The following SHISA9 variants were observed in gnomAD, a reference collection of about 807,000 sequenced individuals.
SHISA9 encodes protein shisa-9.
In SHISA9, 13 loss-of-function variants were observed where a neutral mutation model predicts 38.0. The observed-to-expected ratio is 0.34, with a 90% CI of 0.22 to 0.54. The LOEUF (loss-of-function observed/expected upper bound fraction) is 0.54, where lower values mean the gene tolerates loss of function less well. Ranked by LOEUF, SHISA9 falls within the 20% of genes least tolerant of loss-of-function variation. The pLI, the probability that SHISA9 is intolerant of heterozygous loss-of-function variation, is 0.91. For missense variants in SHISA9, 538 were observed against 575.8 expected, an observed-to-expected ratio of 0.93 and a Z score of 0.67; for synonymous variants, 275 against 242.0, an observed-to-expected ratio of 1.14 and a Z score of -1.27.
the SHISA9 span, among the ~76,000 whole-genome samples, chr16:13,528,423 AT>A: frequency 9.2e-5 from 14 of 152,104 alleles, no homozygotes; most frequent in East Asian, 1.9e-4. Context: ...AAAAAAAAAA[AT>A]AAGAAAAAAA....
intron 2 of SHISA9, among the ~76,000 whole-genome samples, chr16:13,070,495 A>C (rs1012109773): frequency 6.6e-6 from 1 of 152,208 alleles, no homozygotes; most frequent in Non-Finnish European, 1.5e-5. Flanking sequence ...TCTCCGGGAT[A>C]CAAAGAAACC....
At chr16:12,966,575 C>G (rs1659171048) in intron 2 of SHISA9, among the ~76,000 whole-genome samples, 1 of 152,118 alleles carries the variant, frequency 6.6e-6, no homozygotes, top group African/African-American at 2.4e-5. Context: ...ATCTTTATAA[C>G]AATTCCACAA....
chr16:13,347,844 C>T, the SHISA9 span, among the ~76,000 whole-genome samples: 2 of 70,734 alleles, frequency 2.8e-5, no homozygotes, highest in South Asian at 1.0e-3. Flanking sequence ...AACGTACCCC[C>T]CCACAAAGAT....
At chr16:13,505,360 A>C in the SHISA9 span, among the ~76,000 whole-genome samples, 1 of 151,966 alleles carries the variant, frequency 6.6e-6, no homozygotes, top group African/African-American at 2.4e-5. Flanking sequence ...CTTATTGATC[A>C]CCTCTATGGA....
intron 2 of SHISA9, among the ~76,000 whole-genome samples, chr16:13,190,592 T>TGA (rs2050875320): frequency 6.6e-6 from 1 of 152,144 alleles, no homozygotes; most frequent in Non-Finnish European, 1.5e-5. Flanking sequence ...GAACCTCTGT[T>TGA]TTGCTGCTTC....
chr16:13,180,161 T>G (rs2050765039), intron 2 of SHISA9, among the ~76,000 whole-genome samples: 1 of 152,204 alleles, frequency 6.6e-6, no homozygotes, highest in Non-Finnish European at 1.5e-5. Flanking sequence ...AGACACTGTT[T>G]AACACTTCTA....
intron 2 of SHISA9, among the ~76,000 whole-genome samples, chr16:13,050,346 G>A (rs11640645): frequency 6.4e-4 from 98 of 152,022 alleles, no homozygotes; most frequent in African/African-American, 1.8e-3. Context: ...AATTTGAGAT[G>A]AAATTAAATG....
chr16:12,982,679 G>C (rs2072255892), intron 2 of SHISA9, among the ~76,000 whole-genome samples: 1 of 152,138 alleles, frequency 6.6e-6, no homozygotes, highest in South Asian at 2.1e-4. Flanking sequence ...ACCAGGTTTA[G>C]TTTTTTGCAA....
chr16:13,047,751 C>T (rs1482715606), intron 2 of SHISA9, among the ~76,000 whole-genome samples: 1 of 152,192 alleles, frequency 6.6e-6, no homozygotes, highest in Non-Finnish European at 1.5e-5. Flanking sequence ...TCGAGGCTCA[C>T]ACAACCCTAT....
the SHISA9 span, among the ~76,000 whole-genome samples, chr16:13,490,326 G>A: frequency 6.6e-6 from 1 of 152,088 alleles, no homozygotes; most frequent in East Asian, 1.9e-4. Flanking sequence ...ACTTTGGGAG[G>A]CTGAGGCGGG....
the SHISA9 span, among the ~76,000 whole-genome samples, chr16:13,443,568 G>C: frequency 1.3e-5 from 2 of 152,144 alleles, no homozygotes; most frequent in Non-Finnish European, 2.9e-5. Flanking sequence ...TCGTTACTAC[G>C]TGCTGGGACA....
intron 2 of SHISA9, among the ~76,000 whole-genome samples, chr16:13,000,987 T>A (rs2072517131): frequency 6.6e-6 from 1 of 152,150 alleles, no homozygotes; most frequent in South Asian, 2.1e-4. Flanking sequence ...TGGAGGGCAG[T>A]GTTGCAATTG....
the SHISA9 span, among the ~76,000 whole-genome samples, chr16:13,403,364 C>T: frequency 1.3e-5 from 2 of 152,132 alleles, no homozygotes; most frequent in African/African-American, 2.4e-5. Flanking sequence ...TGATTGTAGT[C>T]ATAAATTGAG....
chr16:13,070,135 T>TGTGTGA (rs2073494709), intron 2 of SHISA9, among the ~76,000 whole-genome samples: 1 of 151,720 alleles, frequency 6.6e-6, no homozygotes, highest in East Asian at 1.9e-4. Flanking sequence ...TGTGTGTGTG[T>TGTGTGA]GTGTGTGTGT....
chr16:13,421,565 G>A, the SHISA9 span, among the ~76,000 whole-genome samples: 3 of 152,110 alleles, frequency 2.0e-5, no homozygotes, highest in East Asian at 1.9e-4. Flanking sequence ...TGGGAATTAC[G>A]GGAGCTACAA....
chr16:13,561,252 T>C, the SHISA9 span, among the ~76,000 whole-genome samples: 2 of 152,156 alleles, frequency 1.3e-5, no homozygotes, highest in Non-Finnish European at 2.9e-5. Context: ...TCCCAGAATA[T>C]TAGAAGCGTT....
chr16:13,035,569 C>T (rs2073046853), intron 2 of SHISA9, among the ~76,000 whole-genome samples: 1 of 151,706 alleles, frequency 6.6e-6, no homozygotes, highest in Non-Finnish European at 1.5e-5. Flanking sequence ...CTTGCTCTGT[C>T]ACCCCGGCTG....
intron 2 of SHISA9, among the ~76,000 whole-genome samples, chr16:13,071,595 T>TCCTC (rs1411043815): frequency 6.3e-5 from 9 of 143,364 alleles, no homozygotes; most frequent in African/African-American, 2.5e-4. Flanking sequence ...CTTCCTTCCT[T>TCCTC]CCTTCCCTTT....
chr16:13,122,378 G>A (rs944692759), intron 2 of SHISA9, among the ~76,000 whole-genome samples: 15 of 152,156 alleles, frequency 9.9e-5, no homozygotes, highest in African/African-American at 3.4e-4. Flanking sequence ...TCAGAGGGAC[G>A]AAACAATCTC....
Sources: allele counts gnomAD v4.1 joint callset (sites outside exome capture counted in the v4.1 genomes callset), GRCh38; gene constraint gnomAD v4.1.1; transcripts MANE v1.5; gene names NCBI Gene and HGNC (gene_info 2026-07-23, HGNC 2026-07-21).